MYPN: variants seen among roughly 807,000 people sequenced by gnomAD.
The protein encoded by MYPN is sarcomeric protein myopalladin, 145 kDa (MYOP).
A neutral mutation model predicts 129.4 loss-of-function variants in MYPN; 63 were observed. The observed-to-expected ratio is 0.49, with a 90% CI of 0.40 to 0.60. The LOEUF is 0.60. MYPN is among the 20% of genes least tolerant of loss of function. The pLI is 0.00. For missense variants in MYPN, 1,596 were observed against 1,635.4 expected (o/e 0.98, Z 0.42); for synonymous variants, 629 against 600.9 (o/e 1.05, Z -0.68).
rs768576688 is a variant in MYPN at position 68,194,463 on chromosome 10, C to T, written c.3026C>T (p.Thr1009Ile). The change falls in exon 14 of 20, where the codon ACT becomes ATT. Residue 1009 changes from threonine (T) to isoleucine (I), a missense_variant. By Grantham distance (89) the Thr-to-Ile change is moderately conservative. Coordinates refer to ENST00000358913, the MANE Select transcript of MYPN (RefSeq NM_032578.4). ...ACATGCTCTCTGCACATTGAATCCACTACCAGTGATGACGATGGCAACTAC... is the reference window on the plus strand; with the variant it reads ...ACATGCTCTCTGCACATTGAATCCATTACCAGTGATGACGATGGCAACTAC... Reference protein sequence around the residue: ...DGTCSLHIESTTSDDDGNYTI... With the variant: ...DGTCSLHIESITSDDDGNYTI... 1 of 1,613,930 alleles carries T rather than the reference C, an allele frequency of 6.2e-7. No individual in the cohort carries two copies. The highest frequency in any genetic ancestry group is 8.5e-7 in the Non-Finnish European group (1 of 1,179,906).
intron 18 of MYPN, among the ~76,000 whole-genome samples, chr10:68,203,000 T>G (rs2043744052): frequency 6.6e-6 from 1 of 152,174 alleles, no homozygotes; most frequent in Non-Finnish European, 1.5e-5. Flanking sequence ...CTAAATAAAC[T>G]GAGGGTCTAC....
chr10:68,104,613 T>C (rs1317755889), upstream of MYPN, among the ~76,000 whole-genome samples: 1 of 152,102 alleles, frequency 6.6e-6, no homozygotes, highest in East Asian at 1.9e-4. Context: ...GCATGTAGAG[T>C]TTATTGCAAG....
Position 68,182,469 on chromosome 10 carries a change from T to TACACACAC in MYPN, c.2704-6435_2704-6434insCACACACA, listed in dbSNP as rs746883010. On this transcript the variant is annotated intron_variant, in intron 12 of 19. Coordinates refer to ENST00000358913, the MANE Select transcript of MYPN (RefSeq NM_032578.4). ...ATATATAACATATATATATAACATA[T>TACACACAC]ATACACACACACACACACACACACA... Among the ~76,000 whole-genome samples, 9 of 111,986 alleles carry TACACACAC rather than the reference T, an allele frequency of 8.0e-5. 1 individual carries two copies. The highest frequency in any genetic ancestry group is 2.5e-4 in the African/African-American group (7 of 28,158). The allele number at this position is 111,986 out of a possible 152,430, so 73.5% of individuals were successfully genotyped here.
chr10:68,121,812 C>T lies in MYPN; in HGVS notation c.374C>T (p.Pro125Leu), dbSNP rs367784440. 4.3e-6 allele frequency: 7 copies of T among 1,614,018 alleles called. No homozygotes were observed. The highest frequency in any genetic ancestry group is 5.9e-6 in the Non-Finnish European group (7 of 1,180,036). ...TTCTGCCAGGATAACCCTCGAAGTC[C>T]CACCAGCTCTAAAGAAAGCCCCCAG... is the stretch of plus-strand genomic sequence containing the variant. ...PNFCQDNPRS[P>L]TSSKESPQEA... is the part of the protein sequence containing the mutation. The change falls in exon 2 of 20, where the codon CCC (proline) becomes CTC (leucine). Residue 125 changes from proline (P) to leucine (L), a missense_variant. By Grantham distance (98) the Pro-to-Leu change is moderately conservative. Coordinates refer to ENST00000358913, the MANE Select transcript of MYPN (RefSeq NM_032578.4).
chr10:68,196,418 AC>A (rs2043605780), intron 15 of MYPN, among the ~76,000 whole-genome samples: 1 of 152,088 alleles, frequency 6.6e-6, no homozygotes, highest in Non-Finnish European at 1.5e-5. Flanking sequence ...TACCAAAGGA[AC>A]AAAAATAGTG....
intron 11 of MYPN, among the ~76,000 whole-genome samples, 173 bp downstream of exon 11, chr10:68,174,829 T>G (rs1383528962): frequency 1.3e-5 from 2 of 152,212 alleles, no homozygotes; most frequent in African/African-American, 4.8e-5. Flanking sequence ...TTACTTTGAA[T>G]GATTATTAAT....
intron 10 of MYPN, among the ~76,000 whole-genome samples, chr10:68,172,315 A>G (rs966076970): frequency 6.6e-6 from 1 of 152,208 alleles, no homozygotes; most frequent in Non-Finnish European, 1.5e-5. Flanking sequence ...TGATTGTGCC[A>G]CTGTACTCCA....
At chr10:68,176,238 G>A (rs1283928412) in intron 12 of MYPN, among the ~76,000 whole-genome samples, 3 of 152,160 alleles carry the variant, frequency 2.0e-5, no homozygotes, top group Non-Finnish European at 4.4e-5. Flanking sequence ...AAAGGAAAAA[G>A]AGGAAAGCCA....
At chr10:68,091,909 C>T (rs1482645934) in intron 1 of MYPN, among the ~76,000 whole-genome samples, 1 of 150,584 alleles carries the variant, frequency 6.6e-6, no homozygotes, top group Non-Finnish European at 1.5e-5. Context: ...CTGGCTATAA[C>T]TAACATTTTA....
In MYPN at chr10:68,136,670, A is replaced by G. The variant is rs768293297; in HGVS notation, c.903-6270A>G. ...TCTGACAGAGAGTTTGGGCATTTGA[A>G]TCATTCCACTTATCTCCTTCTGGCT... On this transcript the variant is annotated intron_variant, in intron 2 of 19. Coordinates refer to ENST00000358913, the MANE Select transcript of MYPN (RefSeq NM_032578.4). The G allele has an allele frequency of 3.7e-4, 564 of 1,535,112 alleles. 2 individuals are homozygous for G. Among genetic ancestry groups the G allele is most frequent in the Non-Finnish European group, 2.4e-4 (273 of 1,146,650 alleles).
intron 10 of MYPN, among the ~76,000 whole-genome samples, chr10:68,172,597 C>G (rs932097313): frequency 6.6e-6 from 1 of 152,062 alleles, no homozygotes; most frequent in South Asian, 2.1e-4. Flanking sequence ...ATTCAATGGA[C>G]CATTAAGGCA....
chr10:68,127,513 T>C (rs2042345224), intron 2 of MYPN, among the ~76,000 whole-genome samples: 2 of 151,060 alleles, frequency 1.3e-5, no homozygotes, highest in Admixed American at 6.6e-5. Context: ...TTTTGTATTT[T>C]TAGTAGAGAT....
At chr10:68,130,792 A>C (rs1194023468) in intron 2 of MYPN, among the ~76,000 whole-genome samples, 1 of 152,138 alleles carries the variant, frequency 6.6e-6, no homozygotes, top group African/African-American at 2.4e-5. Context: ...AATCCACTTA[A>C]AGTTGATTTT....
chr10:68,187,932 C>T (rs2043447045), intron 12 of MYPN, among the ~76,000 whole-genome samples: 1 of 152,078 alleles, frequency 6.6e-6, no homozygotes, highest in Non-Finnish European at 1.5e-5. Context: ...GGAGACCCTA[C>T]AGTAGCAATC....
rs1564686937 is a variant in MYPN, at chr10:68,182,384, C to CATATATAACATATATATAACACAT, written c.2704-6475_2704-6452dup. On this transcript the variant is annotated intron_variant, in intron 12 of 19. Coordinates refer to ENST00000358913, the MANE Select transcript of MYPN (RefSeq NM_032578.4). ...ACACATATATATAACATATATAACA[C>CATATATAACATATATATAACACAT]ATATATAACATATATATAACACATA... 7.5e-4 allele frequency among the ~76,000 whole-genome samples: 71 copies of CATATATAACATATATATAACACAT among 94,050 alleles called. 1 individual carries two copies. The highest frequency in any genetic ancestry group is 2.8e-3 in the African/African-American group (63 of 22,268). The allele number at this position is 94,050 out of a possible 152,430, so 61.7% of individuals were successfully genotyped here.
At chr10:68,158,691 T>C in intron 7 of MYPN, 64 bp downstream of exon 7, 1 of 1,135,990 alleles carries the variant, frequency 8.8e-7, no homozygotes, top group Non-Finnish European at 1.3e-6. Flanking sequence ...TACACACTTA[T>C]TTTTATAACT....
At chr10:68,091,576 G>A (rs2133934347) in intron 1 of MYPN, among the ~76,000 whole-genome samples, 1 of 151,594 alleles carries the variant, frequency 6.6e-6, no homozygotes, top group East Asian at 1.9e-4. Context: ...TGTATTTTAG[G>A]TAGAGATGGG....
chr10:68,132,115 A>G (rs1168004947), intron 2 of MYPN, among the ~76,000 whole-genome samples: 1 of 152,184 alleles, frequency 6.6e-6, no homozygotes, highest in Non-Finnish European at 1.5e-5. Context: ...CTTGAAGAGA[A>G]TGCTTTCTAG....
Position 68,188,891 on chromosome 10 carries a change from T to C in MYPN, c.2704-14T>C. On this transcript the variant is annotated splice_polypyrimidine_tract_variant and intron_variant, in intron 12 of 19. Coordinates refer to ENST00000358913, the MANE Select transcript of MYPN (RefSeq NM_032578.4). The stretch of plus-strand genomic sequence containing the variant: ...TGCCATATGGAAATTGAAACACGTT[T>C]GTCATTTTGACAGGAGTACAAAATT... The C allele has an allele frequency of 6.2e-7, 1 of 1,610,554 alleles. No homozygotes were observed. The highest frequency in any genetic ancestry group is 8.5e-7 in the Non-Finnish European group (1 of 1,177,602).
Sources: allele counts gnomAD v4.1 joint callset (sites outside exome capture counted in the v4.1 genomes callset), GRCh38; gene constraint gnomAD v4.1.1; transcripts MANE v1.5; gene names NCBI Gene and HGNC (gene_info 2026-07-23, HGNC 2026-07-21).